The following MTA3 variants were observed in gnomAD, a reference collection of about 807,000 sequenced individuals.
The protein encoded by MTA3 is metastasis-associated protein MTA3.
Under a neutral mutation model 83.5 loss-of-function variants are expected in MTA3, and 34 were observed. That is an observed-to-expected ratio of 0.41 (90% CI 0.31 to 0.54). The LOEUF is 0.54. MTA3 is among the 20% of genes least tolerant of loss of function. MTA3 has a pLI of 0.33. For missense variants in MTA3, 761 were observed against 726.4 expected (o/e 1.05, Z -0.55); for synonymous variants, 303 against 252.7 (o/e 1.20, Z -1.89).
chr2:42,671,914 G>C (rs1056613375), intron 8 of MTA3, among the ~76,000 whole-genome samples: 2 of 152,168 alleles, frequency 1.3e-5, no homozygotes, highest in Non-Finnish European at 1.5e-5. Context: ...GAAACTTGCT[G>C]TTTGGCTCGA....
chr2:42,499,266 C>G (rs1188313405), intron 2 of MTA3, among the ~76,000 whole-genome samples: 1 of 151,380 alleles, frequency 6.6e-6, no homozygotes, highest in African/African-American at 2.4e-5. Flanking sequence ...CTCCCAGGTT[C>G]AAGCGATTCT....
chr2:42,695,452 T>C (rs1693296088), intron 9 of MTA3, among the ~76,000 whole-genome samples: 1 of 151,730 alleles, frequency 6.6e-6, no homozygotes, highest in South Asian at 2.1e-4. Context: ...CTAACCAACA[T>C]GGTGAAACCT....
chr2:42,518,577 T>C (rs192210312), intron 2 of MTA3, among the ~76,000 whole-genome samples: 31 of 152,288 alleles, frequency 2.0e-4, no homozygotes, highest in Admixed American at 8.5e-4. Context: ...CAAATCTCCA[T>C]GCAGAATAAT....
intron 16 of MTA3, among the ~76,000 whole-genome samples, chr2:42,729,725 T>G (rs1668116787): frequency 6.6e-6 from 1 of 152,206 alleles, no homozygotes; most frequent in Non-Finnish European, 1.5e-5. Flanking sequence ...TCAGATGAAG[T>G]GATTTTTCCA....
At chr2:42,698,279 A>AT (rs1354001508) in intron 11 of MTA3, 1 of 152,360 alleles carries the variant, frequency 6.6e-6, no homozygotes, top group East Asian at 1.9e-4. Context: ...TAAATGTGTG[A>AT]TAAATAATGG....
chr2:42,538,758 G>GTTGTTT (rs1553339441), intron 2 of MTA3, among the ~76,000 whole-genome samples: 8 of 129,106 alleles, frequency 6.2e-5, no homozygotes, highest in Admixed American at 1.6e-4. Flanking sequence ...AGAAAAAAAT[G>GTTGTTT]TTTTTTTTGT....
chr2:42,708,895 G>A lies in MTA3; in HGVS notation c.1324G>A (p.Val442Met), dbSNP rs775951008. 9.3e-6 allele frequency: 15 copies of A among 1,613,838 alleles called. No individual in the cohort carries two copies. Among genetic ancestry groups the A allele is most frequent in the East Asian group, 2.2e-5 (1 of 44,892 alleles). Residue 442 changes from valine to methionine, a missense_variant, in exon 14 of 17, where the codon GTG becomes ATG. Val to Met is a conservative substitution (Grantham distance 21). Transcript: ENST00000405094. ...TTEDPRVRSHVSRQAMQGMPV... is the reference protein window; with the variant it reads ...TTEDPRVRSHMSRQAMQGMPV... ...GCAGGACCCTCGTGTTAGAAGTCACGTGTCCCGCCAGGCCATGCAGGGAAT... is the reference window on the plus strand; with the variant it reads ...GCAGGACCCTCGTGTTAGAAGTCACATGTCCCGCCAGGCCATGCAGGGAAT...
chr2:42,632,947 T>C (rs1686824370), intron 4 of MTA3, among the ~76,000 whole-genome samples: 1 of 151,580 alleles, frequency 6.6e-6, no homozygotes, highest in Non-Finnish European at 1.5e-5. Context: ...CCAGATTTAA[T>C]TCTCTTTGTA....
At chr2:42,578,823 A>G (rs1429188003) in intron 2 of MTA3, among the ~76,000 whole-genome samples, 1 of 152,144 alleles carries the variant, frequency 6.6e-6, no homozygotes, top group Non-Finnish European at 1.5e-5. Flanking sequence ...CTTAAAGCTA[A>G]TCAGTGTTAA....
intron 9 of MTA3, among the ~76,000 whole-genome samples, chr2:42,683,297 C>G (rs1160691018): frequency 6.6e-6 from 1 of 152,132 alleles, no homozygotes; most frequent in African/African-American, 2.4e-5. Flanking sequence ...AATTGTTGAG[C>G]CTGAATTTGA....
chr2:42,605,219 C>CA (rs1683120270), intron 3 of MTA3, among the ~76,000 whole-genome samples: 1 of 126,966 alleles, frequency 7.9e-6, no homozygotes, highest in Non-Finnish European at 1.7e-5. Context: ...GGGGGCTGAC[C>CA]CCCCCCACCT....
intron 3 of MTA3, among the ~76,000 whole-genome samples, chr2:42,604,584 T>C (rs1355236444): frequency 6.7e-6 from 1 of 150,292 alleles, no homozygotes; most frequent in Non-Finnish European, 1.5e-5. Context: ...CTTTTTTTTT[T>C]TTTTTAATTT....
intron 16 of MTA3, among the ~76,000 whole-genome samples, chr2:42,726,515 C>A (rs1667832129): frequency 1.3e-5 from 2 of 152,024 alleles, no homozygotes; most frequent in African/African-American, 4.8e-5. Flanking sequence ...CTCCCCCCAA[C>A]CCACAACAGT....
chr2:42,568,963 G>A (rs923706846), intron 1 of MTA3, among the ~76,000 whole-genome samples, 190 bp downstream of exon 1: 1 of 151,762 alleles, frequency 6.6e-6, no homozygotes, highest in African/African-American at 2.4e-5. Flanking sequence ...CCCCACGCGG[G>A]CTCGCGAGGG....
chr2:42,592,178 G>C (rs1681090429), intron 3 of MTA3, among the ~76,000 whole-genome samples: 1 of 152,050 alleles, frequency 6.6e-6, no homozygotes, highest in Non-Finnish European at 1.5e-5. Context: ...AGGAGGATTG[G>C]TTGAGCCCAG....
At chr2:42,528,450 C>A (rs542147653) in intron 2 of MTA3, among the ~76,000 whole-genome samples, 27 of 149,364 alleles carry the variant, frequency 1.8e-4, no homozygotes, top group African/African-American at 4.9e-4. Flanking sequence ...GAACCCCTGG[C>A]CTCAAGTGAT....
intron 2 of MTA3, among the ~76,000 whole-genome samples, chr2:42,563,566 A>G (rs1415512600): frequency 9.2e-5 from 14 of 152,134 alleles, no homozygotes; most frequent in Admixed American, 7.2e-4. Flanking sequence ...TCCCGGGTTC[A>G]TGCCATTATC....
chr2:42,718,758 G>A (rs1479389480), intron 14 of MTA3, among the ~76,000 whole-genome samples: 12 of 152,086 alleles, frequency 7.9e-5, no homozygotes, highest in Middle Eastern at 3.4e-3. Context: ...GTGAGCCTCC[G>A]TCTCAAAATA....
intron 12 of MTA3, among the ~76,000 whole-genome samples, chr2:42,706,116 G>A (rs978856349): frequency 4.6e-5 from 7 of 152,210 alleles, no homozygotes; most frequent in African/African-American, 1.7e-4. Context: ...TCACATCTGG[G>A]GACTGCTGTG....
Sources: gnomAD v4.1 joint callset for allele counts (sites outside exome capture counted in the v4.1 genomes callset) on GRCh38, gnomAD v4.1.1 for gene constraint, MANE v1.5 for transcripts, NCBI Gene and HGNC (gene_info 2026-07-23, HGNC 2026-07-21) for gene names.